FAM110A: variants seen among roughly 807,000 people sequenced by gnomAD.
FAM110A encodes family with sequence similarity 110 member A.
Under a neutral mutation model 4.0 loss-of-function variants are expected in FAM110A, and 1 was observed. The observed-to-expected ratio is 0.25, with a 90% CI of 0.09 to 1.20. The LOEUF is 1.20. Among genes scored for constraint, FAM110A ranks in the 50% most tolerant of loss-of-function variants. The pLI is 0.50. For missense variants in FAM110A, 436 were observed against 429.2 expected (o/e 1.02, Z -0.14); for synonymous variants, 217 against 196.8 (o/e 1.10, Z -0.86).
Position 845,771 on chromosome 20 carries a change from T to G in FAM110A, c.*79T>G. ...CCCTGGACCTCTCTTGCATCCATTC[T>G]CTAGACGGCCGTGTCAGAGGCTCCA... On this transcript the variant is annotated 3_prime_UTR_variant, in exon 2 of 2. Transcript: ENST00000381941. 6 of 1,571,614 alleles carry G rather than the reference T, an allele frequency of 3.8e-6. No individual in the cohort carries two copies. In the South Asian group the frequency reaches 7.1e-5, roughly 19 times the overall value.
At chr20:838,404 C>T (rs549431896) in intron 1 of FAM110A, among the ~76,000 whole-genome samples, 25 of 152,254 alleles carry the variant, frequency 1.6e-4, no homozygotes, top group African/African-American at 4.1e-4. Flanking sequence ...CCAGAACAGC[C>T]GGTTGTTCAA....
intron 1 of FAM110A, chr20:841,188 T>A: frequency 6.6e-6 from 1 of 152,142 alleles, no homozygotes; most frequent in East Asian, 1.9e-4. Flanking sequence ...TTCCTTACCC[T>A]TTTCGGGTAG....
rs1221112635 is a variant in FAM110A, at chr20:833,796, C to T, written c.-253C>T. On this transcript the variant is annotated 5_prime_UTR_variant, in exon 1 of 2. Coordinates refer to ENST00000381941, the MANE Select transcript of FAM110A (RefSeq NM_001042353.3). This position sits in a 1 kb window ranked among gnomAD's most constrained non-coding sequence, Gnocchi z 4.1. ...GAGGGCCACCCGCTCAGCTCGACCGCGGAGGGCAGCTCCAAAGGGGACCCC... is the reference window on the plus strand; with the variant it reads ...GAGGGCCACCCGCTCAGCTCGACCGTGGAGGGCAGCTCCAAAGGGGACCCC... 1 of 152,232 alleles carries T rather than the reference C, an allele frequency of 6.6e-6. No individual in the cohort carries two copies. Among genetic ancestry groups the T allele is most frequent in the African/African-American group, 2.4e-5 (1 of 41,460 alleles). 9.4% of individuals were successfully genotyped at this position (152,232 alleles called of 1,614,324 possible). A position where few individuals can be genotyped will look rare whatever the true frequency, so the allele number is the denominator to read the frequency against.
intron 1 of FAM110A, among the ~76,000 whole-genome samples, chr20:841,745 G>T (rs996805680): frequency 6.6e-6 from 1 of 152,180 alleles, no homozygotes; most frequent in Non-Finnish European, 1.5e-5. Flanking sequence ...CGTGGGTGGG[G>T]CATTGGGCGG....
rs1342679452 is a variant in FAM110A at position 845,254 on chromosome 20, G to T, written c.450G>T (p.Ala150=). Residue 150 remains alanine (A), a synonymous_variant, in exon 2 of 2, where the codon GCG becomes GCT. Coordinates refer to ENST00000381941, the MANE Select transcript of FAM110A (RefSeq NM_001042353.3). The stretch of plus-strand genomic sequence containing the variant: ...CGCGACCGCCGCCCAGTACCTCTGC[G>T]GTCCGCCGGGTGGACGTCCGCCCCC... ...TPPRPPPSTS[A]VRRVDVRPLP... 3 of 1,494,762 alleles carry T rather than the reference G, an allele frequency of 2.0e-6. No individual in the cohort carries two copies. Among genetic ancestry groups the T allele is most frequent in the Non-Finnish European group, 2.7e-6 (3 of 1,125,572 alleles). 92.6% of individuals were successfully genotyped at this position (1,494,762 alleles called of 1,614,324 possible).
At chr20:841,688 G>A (rs1979926701) in intron 1 of FAM110A, among the ~76,000 whole-genome samples, 1 of 152,218 alleles carries the variant, frequency 6.6e-6, no homozygotes, top group African/African-American at 2.4e-5. Context: ...CGGGATGCAA[G>A]CCAGAAGGGC....
chr20:840,188 G>C lies in FAM110A; in HGVS notation c.-97-4520G>C, dbSNP rs1241336258. On this transcript the variant is annotated intron_variant, in intron 1 of 1. Coordinates refer to ENST00000381941, the MANE Select transcript of FAM110A (RefSeq NM_001042353.3). This position sits in a 1 kb window ranked among gnomAD's most constrained non-coding sequence, Gnocchi z 4.4. ...TGAAGGACTTGTTGCCCCGTCCCCT[G>C]TAAAGTCAGGGACTGGAGGAGGCTG... is the stretch of plus-strand genomic sequence containing the variant. Among the ~76,000 whole-genome samples, 1 of 152,192 alleles carries C rather than the reference G, an allele frequency of 6.6e-6. No homozygotes were observed. The highest frequency in any genetic ancestry group is 2.4e-5 in the African/African-American group (1 of 41,430).
Position 845,781 on chromosome 20 carries a change from C to A in FAM110A, c.*89C>A. ...CTCTTGCATCCATTCTCTAGACGGC[C>A]GTGTCAGAGGCTCCACCCTGTTGTG... On this transcript the variant is annotated 3_prime_UTR_variant, in exon 2 of 2. Transcript: ENST00000381941. 1 of 1,550,078 alleles carries A rather than the reference C, an allele frequency of 6.5e-7. No individual in the cohort carries two copies. The highest frequency in any genetic ancestry group is 1.2e-5 in the South Asian group (1 of 81,182).
chr20:845,349 C>T lies in FAM110A; in HGVS notation c.545C>T (p.Pro182Leu), dbSNP rs200909595. 4.3e-3 allele frequency: 6,898 copies of T among 1,600,418 alleles called. 22 individuals carry two copies. The highest frequency in any genetic ancestry group is 5.2e-3 in the Non-Finnish European group (6,071 of 1,173,832). ...GCCGCCTCCAGCCCAGCCCGGCCGC[C>T]GGGTTTGCAACGCTCCAAGTCGGAC... ...PAAASSPARP[P>L]GLQRSKSDLS... The change falls in exon 2 of 2, where the codon CCG (proline) becomes CTG (leucine). Residue 182 changes from proline (P) to leucine (L), a missense_variant. Pro to Leu is a moderately conservative substitution (Grantham distance 98). Transcript: ENST00000381941.
In FAM110A at chr20:840,072, T is replaced by A; in HGVS notation, c.-97-4636T>A. The A allele has an allele frequency of 1.3e-6, 1 of 742,160 alleles. No individual in the cohort carries two copies. The highest frequency in any genetic ancestry group is 2.3e-6 in the Non-Finnish European group (1 of 430,290). The allele number at this position is 742,160 out of a possible 1,614,324, so 46.0% of individuals were successfully genotyped here. A position where few individuals can be genotyped will look rare whatever the true frequency, so the allele number is the denominator to read the frequency against. The stretch of plus-strand genomic sequence containing the variant: ...ATCATTATTGTTGCTTTGCTGTTAC[T>A]ACTATTAGCGCCTGAAGGAGCCTTC... On this transcript the variant is annotated intron_variant, in intron 1 of 1. Coordinates refer to ENST00000381941, the MANE Select transcript of FAM110A (RefSeq NM_001042353.3). The surrounding 1 kb of genome is among the most constrained non-coding windows in gnomAD (Gnocchi z 4.4).
At chr20:837,052 T>G (rs903886333) in intron 1 of FAM110A, among the ~76,000 whole-genome samples, 2 of 140,934 alleles carry the variant, frequency 1.4e-5, no homozygotes, top group Admixed American at 6.9e-5. Flanking sequence ...ATTGTTTTTT[T>G]TTTTTTTTTT....
chr20:845,726 A>G lies in FAM110A; in HGVS notation c.*34A>G. Reference sequence around the variant, plus strand: ...GGGCCTGGAATTCGCCACAGGACGGATCTTACAGAGGCAAGTGGTCCCTGG... The same window carrying G: ...GGGCCTGGAATTCGCCACAGGACGGGTCTTACAGAGGCAAGTGGTCCCTGG... On this transcript the variant is annotated 3_prime_UTR_variant, in exon 2 of 2. Transcript: ENST00000381941. The G allele has an allele frequency of 1.9e-6, 3 of 1,612,864 alleles. No homozygotes were observed. The highest frequency in any genetic ancestry group is 2.5e-6 in the Non-Finnish European group (3 of 1,179,586).
chr20:845,765 C>T lies in FAM110A; in HGVS notation c.*73C>T. 1 of 1,585,990 alleles carries T rather than the reference C, an allele frequency of 6.3e-7. No individual in the cohort carries two copies. Among genetic ancestry groups the T allele is most frequent in the Non-Finnish European group, 8.6e-7 (1 of 1,166,534 alleles). On this transcript the variant is annotated 3_prime_UTR_variant, in exon 2 of 2. Coordinates refer to ENST00000381941, the MANE Select transcript of FAM110A (RefSeq NM_001042353.3). ...AGTGGTCCCTGGACCTCTCTTGCAT[C>T]CATTCTCTAGACGGCCGTGTCAGAG...
At chr20:837,045 GTTTTT>G (rs71191980) in intron 1 of FAM110A, among the ~76,000 whole-genome samples, 2 of 82,908 alleles carry the variant, frequency 2.4e-5, no homozygotes, top group East Asian at 7.2e-4. Context: ...ACTCTGCATT[GTTTTT>G]TTTTTTTTTT....
chr20:843,160 G>A (rs953145202), intron 1 of FAM110A, among the ~76,000 whole-genome samples: 3 of 152,140 alleles, frequency 2.0e-5, no homozygotes, highest in Admixed American at 2.0e-4. Context: ...GTGGTATTGA[G>A]ATCAGTGCCT....
chr20:844,841 G>A lies in FAM110A; in HGVS notation c.37G>A (p.Ala13Thr), dbSNP rs563377275. 21 of 1,520,466 alleles carry A rather than the reference G, an allele frequency of 1.4e-5. No individual in the cohort carries two copies. Among genetic ancestry groups the A allele is most frequent in the East Asian group, 1.2e-4 (5 of 40,554 alleles). The allele number at this position is 1,520,466 out of a possible 1,614,324, so 94.2% of individuals were successfully genotyped here. Reference sequence around the variant, plus strand: ...CACGCTGAGCCCCGGAGCCCCGTCCGCCCCCGCCCTACCTTGCCGCCTGCG... The same window carrying A: ...CACGCTGAGCCCCGGAGCCCCGTCCACCCCCGCCCTACCTTGCCGCCTGCG... ...VHTLSPGAPS[A>T]PALPCRLRTR... Residue 13 changes from alanine to threonine, a missense_variant, in exon 2 of 2, where the codon GCC becomes ACC. Coordinates refer to ENST00000381941, the MANE Select transcript of FAM110A (RefSeq NM_001042353.3).
intron 1 of FAM110A, among the ~76,000 whole-genome samples, chr20:841,111 C>A (rs1237578005): frequency 1.3e-5 from 2 of 152,168 alleles, no homozygotes; most frequent in Non-Finnish European, 2.9e-5. Flanking sequence ...TGGAGCGGGT[C>A]GGACCCAGTT....
rs1980325705 is a variant in FAM110A, at chr20:845,875, GT to G, written c.*187del. 4 of 1,354,918 alleles carry G rather than the reference GT, an allele frequency of 3.0e-6. No homozygotes were observed. In the African/African-American group the frequency reaches 5.9e-5, roughly 20 times the overall value. 83.9% of individuals were successfully genotyped at this position (1,354,918 alleles called of 1,614,324 possible). A position where few individuals can be genotyped will look rare whatever the true frequency, so the allele number is the denominator to read the frequency against. ...TTGGGCAAGGACTGACTCTCCAAGG[GT>G]TTTGTTCTTGGCTTTGGACACCTGA... is the stretch of plus-strand genomic sequence containing the variant. On this transcript the variant is annotated 3_prime_UTR_variant, in exon 2 of 2. Coordinates refer to ENST00000381941, the MANE Select transcript of FAM110A (RefSeq NM_001042353.3).
chr20:835,215 C>T (rs58568408), intron 1 of FAM110A, among the ~76,000 whole-genome samples: 46 of 137,856 alleles, frequency 3.3e-4, no homozygotes, highest in African/African-American at 1.1e-3. Flanking sequence ...TATATATATA[C>T]ACACACACAT....
Sources: allele counts gnomAD v4.1 joint callset (sites outside exome capture counted in the v4.1 genomes callset), GRCh38; gene constraint gnomAD v4.1.1; non-coding constraint Gnocchi (gnomAD v3.1); transcripts MANE v1.5; gene names NCBI Gene and HGNC (gene_info 2026-07-23, HGNC 2026-07-21).